The following SPIDR variants were observed in gnomAD, a reference collection of about 807,000 sequenced individuals.
SPIDR encodes scaffold protein involved in DNA repair, also known as DNA repair-scaffolding protein.
A neutral mutation model predicts 104.6 loss-of-function variants in SPIDR; 93 were observed. The ratio of observed to expected loss-of-function variants is 0.89; its 90% CI spans 0.75 to 1.06. SPIDR has a LOEUF of 1.06. Among genes scored for constraint, SPIDR ranks in the 50% least tolerant of loss-of-function variants. SPIDR has a pLI of 0.00. For synonymous variants in SPIDR, 431 were observed against 416.9 expected, an observed-to-expected ratio of 1.03 and a Z score of -0.41; for missense variants, 1,154 against 1,111.2, an observed-to-expected ratio of 1.04 and a Z score of -0.55.
intron 5 of SPIDR, among the ~76,000 whole-genome samples, chr8:47,339,347 T>C (rs1250658875): frequency 6.6e-6 from 1 of 152,208 alleles, no homozygotes; most frequent in African/African-American, 2.4e-5. Flanking sequence ...TAACCTAACA[T>C]GCTCCTATTA....
intron 5 of SPIDR, among the ~76,000 whole-genome samples, chr8:47,372,248 A>T (rs1452044675): frequency 6.6e-6 from 1 of 152,178 alleles, no homozygotes; most frequent in Non-Finnish European, 1.5e-5. Context: ...CCAGCCTAGG[A>T]CATTGTCAGG....
intron 5 of SPIDR, among the ~76,000 whole-genome samples, chr8:47,343,904 C>T (rs560493308): frequency 6.6e-6 from 1 of 151,668 alleles, no homozygotes; most frequent in Admixed American, 6.6e-5. Flanking sequence ...GACATTCTTA[C>T]GTATTTAATC....
chr8:47,528,488 TTAGAATTA>T (rs1299988128), intron 8 of SPIDR, among the ~76,000 whole-genome samples: 3 of 152,132 alleles, frequency 2.0e-5, no homozygotes, highest in Non-Finnish European at 2.9e-5. Flanking sequence ...TGCAGAGGTG[TTAGAATTA>T]ATCAGACTAG....
At chr8:47,542,361 G>C (rs1445389568) in intron 8 of SPIDR, among the ~76,000 whole-genome samples, 1 of 152,128 alleles carries the variant, frequency 6.6e-6, no homozygotes, top group Non-Finnish European at 1.5e-5. Flanking sequence ...AGGAGACCCT[G>C]TGAATGCCCA....
At chr8:47,731,081 C>T (rs931662822) in intron 19 of SPIDR, among the ~76,000 whole-genome samples, 3 of 151,956 alleles carry the variant, frequency 2.0e-5, no homozygotes, top group Non-Finnish European at 2.9e-5. Flanking sequence ...AACATGGTGA[C>T]ACCCCATCTC....
At chr8:47,488,738 C>G (rs1046680906) in intron 8 of SPIDR, among the ~76,000 whole-genome samples, 39 of 152,224 alleles carry the variant, frequency 2.6e-4, no homozygotes, top group African/African-American at 9.1e-4. Flanking sequence ...TAAACGGAAC[C>G]AAAGACAAAA....
At chr8:47,331,250 C>G (rs2048616784) in intron 5 of SPIDR, among the ~76,000 whole-genome samples, 1 of 152,082 alleles carries the variant, frequency 6.6e-6, no homozygotes, top group South Asian at 2.1e-4. Flanking sequence ...TTAAAGCAGT[C>G]AGATGTCATT....
intron 10 of SPIDR, among the ~76,000 whole-genome samples, chr8:47,649,423 T>C (rs2071191462): frequency 6.6e-6 from 1 of 152,140 alleles, no homozygotes. Flanking sequence ...AATGTCAGGG[T>C]TATGAAAGTC....
At chr8:47,399,697 G>A (rs986026283) in intron 6 of SPIDR, among the ~76,000 whole-genome samples, 1 of 152,170 alleles carries the variant, frequency 6.6e-6, no homozygotes, top group African/African-American at 2.4e-5. Context: ...GGATGGTCCA[G>A]GGGCACACTA....
At chr8:47,540,177 A>G (rs971680713) in intron 8 of SPIDR, among the ~76,000 whole-genome samples, 3 of 152,194 alleles carry the variant, frequency 2.0e-5, no homozygotes, top group Non-Finnish European at 2.9e-5. Flanking sequence ...GAAGGTTATA[A>G]GGCTAATTTA....
At chr8:47,701,903 C>T in intron 13 of SPIDR, 39 bp downstream of exon 13, 1 of 1,614,082 alleles carries the variant, frequency 6.2e-7, no homozygotes, top group Non-Finnish European at 8.5e-7. Context: ...TAGGTATTGG[C>T]CACGTCTGTG....
At chr8:47,732,086 T>C (rs1321106399) in intron 19 of SPIDR, 1 of 700,594 alleles carries the variant, frequency 1.4e-6, no homozygotes, top group Admixed American at 2.0e-5. Flanking sequence ...TCTCCAGCAA[T>C]GGACAGTGCT....
intron 8 of SPIDR, among the ~76,000 whole-genome samples, chr8:47,572,418 C>T (rs1454894179): frequency 6.6e-6 from 1 of 152,108 alleles, no homozygotes; most frequent in Non-Finnish European, 1.5e-5. Context: ...AATCCCAGCA[C>T]TTCGGGAGTT....
chr8:47,681,491 C>T (rs2077094901), intron 11 of SPIDR, among the ~76,000 whole-genome samples: 2 of 151,980 alleles, frequency 1.3e-5, no homozygotes, highest in South Asian at 4.1e-4. Context: ...TGTTTAATCG[C>T]TTTATTTCTG....
chr8:47,624,672 C>A (rs1233472374), intron 10 of SPIDR, among the ~76,000 whole-genome samples: 1 of 152,106 alleles, frequency 6.6e-6, no homozygotes, highest in Non-Finnish European at 1.5e-5. Flanking sequence ...ATACATCCTC[C>A]CAAGACTAAA....
intron 8 of SPIDR, among the ~76,000 whole-genome samples, chr8:47,507,883 T>C (rs1368360179): frequency 6.6e-6 from 1 of 152,238 alleles, no homozygotes; most frequent in African/African-American, 2.4e-5. Context: ...TTCCCACTCT[T>C]CTGTTTTGAC....
intron 5 of SPIDR, among the ~76,000 whole-genome samples, chr8:47,311,281 C>G (rs2044102404): frequency 6.6e-6 from 1 of 151,992 alleles, no homozygotes; most frequent in East Asian, 1.9e-4. Context: ...AAAGAGATTT[C>G]AAAAAATGAA....
chr8:47,313,537 C>G (rs201953964), intron 5 of SPIDR, among the ~76,000 whole-genome samples: 4 of 152,122 alleles, frequency 2.6e-5, no homozygotes, highest in Admixed American at 6.6e-5. Flanking sequence ...ACCAATGACT[C>G]TCTTCACAGA....
At chr8:47,497,240 CT>C (rs1356824743) in intron 8 of SPIDR, among the ~76,000 whole-genome samples, 3 of 151,812 alleles carry the variant, frequency 2.0e-5, no homozygotes, top group Non-Finnish European at 2.9e-5. Flanking sequence ...TATTTTCTTC[CT>C]GTGCGTGCTT....
Sources: gnomAD v4.1 joint callset for allele counts (sites outside exome capture counted in the v4.1 genomes callset) on GRCh38, gnomAD v4.1.1 for gene constraint, MANE v1.5 for transcripts, NCBI Gene and HGNC (gene_info 2026-07-23, HGNC 2026-07-21) for gene names.